Variants in GPC6 observed in about 807,000 individuals in gnomAD.
GPC6 encodes the protein glypican 6, also known as glypican-6.
In GPC6, 14 loss-of-function variants were observed where a neutral mutation model predicts 55.2. The observed-to-expected ratio is 0.25, with a 90% CI of 0.17 to 0.40. The LOEUF (loss-of-function observed/expected upper bound fraction) is 0.40, where lower values mean the gene tolerates loss of function less well. Ranked by LOEUF, GPC6 falls within the 10% of genes least tolerant of loss-of-function variation. The pLI is 1.00. For synonymous variants in GPC6, 278 were observed against 259.6 expected (o/e 1.07, Z -0.68); for missense variants, 641 against 708.5 (o/e 0.90, Z 1.08).
At chr13:94,329,698 T>C (rs947477126) in intron 6 of GPC6, among the ~76,000 whole-genome samples, 1 of 152,176 alleles carries the variant, frequency 6.6e-6, no homozygotes, top group Non-Finnish European at 1.5e-5. Context: ...GTTTAGGAGA[T>C]TCAGAAAATC....
At chr13:93,824,048 A>G (rs1887148348) in intron 2 of GPC6, among the ~76,000 whole-genome samples, 2 of 152,200 alleles carry the variant, frequency 1.3e-5, no homozygotes, top group African/African-American at 2.4e-5. Flanking sequence ...ATTTAAAAAA[A>G]TCTTTATATA....
chr13:94,030,561 G>A (rs909694052), intron 4 of GPC6, among the ~76,000 whole-genome samples: 19 of 152,168 alleles, frequency 1.2e-4, no homozygotes, highest in East Asian at 1.2e-3. Flanking sequence ...TCATAAATGC[G>A]GCAGCAAAGA....
At position 94,388,691 on chromosome 13, in the gene GPC6, A is replaced by G. The variant is rs574485997; in HGVS notation, c.1289+6141A>G. Among the ~76,000 whole-genome samples the G allele has an allele frequency of 3.3e-5, 5 of 152,342 alleles. No individual in the cohort carries two copies. In the South Asian group the frequency reaches 6.2e-4, roughly 19 times the overall value. ...AAGTCCAAGATCAGGGTGCCGGCAG[A>G]TTGGGTTCTCTTCCTGGCTTATAGA... On this transcript the variant is annotated intron_variant, in intron 7 of 8. Coordinates refer to ENST00000377047, the MANE Select transcript of GPC6 (RefSeq NM_005708.5).
intron 2 of GPC6, among the ~76,000 whole-genome samples, chr13:93,780,662 T>G (rs1339467580): frequency 6.6e-6 from 1 of 151,316 alleles, no homozygotes; most frequent in African/African-American, 2.4e-5. Context: ...ACTTCTATGC[T>G]TATCTAAGGT....
intron 1 of GPC6, among the ~76,000 whole-genome samples, chr13:93,275,420 A>G (rs1004342036): frequency 3.3e-5 from 5 of 152,240 alleles, no homozygotes; most frequent in African/African-American, 9.6e-5. Context: ...TTGACTAGAT[A>G]GTAAAGAGGG....
chr13:93,276,485 AGAGAGAGAGAGTGTGTGTGT>A lies in GPC6; in HGVS notation c.160+48871_160+48890del, dbSNP rs1410468144. On this transcript the variant is annotated intron_variant, in intron 1 of 8. Coordinates refer to ENST00000377047, the MANE Select transcript of GPC6 (RefSeq NM_005708.5). ...GAGAGAGAGAGAGAGAGAGAGAGAGAGAGAGAGAGAGTGTGTGTGTGTGTGTGTGTGTGTGTGTGTGTATG... is the reference window on the plus strand; with the variant it reads ...GAGAGAGAGAGAGAGAGAGAGAGAGAGTGTGTGTGTGTGTGTGTGTGTATG... Among the ~76,000 whole-genome samples, 37 of 135,102 alleles carry A rather than the reference AGAGAGAGAGAGTGTGTGTGT, an allele frequency of 2.7e-4. No homozygotes were observed. In the South Asian group the frequency reaches 4.1e-3, roughly 15 times the overall value. The allele number at this position is 135,102 out of a possible 152,430, so 88.6% of individuals were successfully genotyped here.
At chr13:94,148,837 G>C (rs1216416527) in intron 4 of GPC6, among the ~76,000 whole-genome samples, 1 of 152,054 alleles carries the variant, frequency 6.6e-6, no homozygotes, top group African/African-American at 2.4e-5. Context: ...CTTTGGGTAG[G>C]GATTTAACCT....
chr13:94,175,813 T>C (rs1027269665), intron 4 of GPC6, among the ~76,000 whole-genome samples: 12 of 148,604 alleles, frequency 8.1e-5, no homozygotes, highest in Admixed American at 1.4e-4. Context: ...GTTATATATA[T>C]CTTTTATATA....
At chr13:93,859,671 G>A (rs1888745705) in intron 3 of GPC6, among the ~76,000 whole-genome samples, 1 of 149,128 alleles carries the variant, frequency 6.7e-6, no homozygotes, top group Non-Finnish European at 1.5e-5. Flanking sequence ...GGGAGAGCGG[G>A]GAGCACAATT....
At chr13:93,528,397 A>G (rs899184396) in intron 1 of GPC6, among the ~76,000 whole-genome samples, 2 of 152,134 alleles carry the variant, frequency 1.3e-5, no homozygotes, top group African/African-American at 4.8e-5. Context: ...TGATTTATGC[A>G]TTAAGAGTCA....
At chr13:93,724,914 T>C (rs1231633452) in intron 2 of GPC6, among the ~76,000 whole-genome samples, 1 of 152,058 alleles carries the variant, frequency 6.6e-6, no homozygotes, top group Non-Finnish European at 1.5e-5. Context: ...AAATGTTTGC[T>C]CTTGTTGCAC....
rs548378399 is a variant in GPC6, at chr13:93,630,869, A to AC, written c.319+85455dup. Reference sequence around the variant, plus strand: ...ATATTCACATGTCAAAGTCCTAACAACCCCCCCATATCTCAGAGTGTGACT... The same window carrying AC: ...ATATTCACATGTCAAAGTCCTAACAACCCCCCCCATATCTCAGAGTGTGACT... On this transcript the variant is annotated intron_variant, in intron 2 of 8. Coordinates refer to ENST00000377047, the MANE Select transcript of GPC6 (RefSeq NM_005708.5). 1.2e-4 allele frequency among the ~76,000 whole-genome samples: 18 copies of AC among 151,944 alleles called. No homozygotes were observed. The East Asian group carries it at 2.5e-3, about 21-fold the overall frequency.
At chr13:94,288,373 G>A (rs1594134388) in intron 5 of GPC6, among the ~76,000 whole-genome samples, 1 of 151,762 alleles carries the variant, frequency 6.6e-6, no homozygotes, top group South Asian at 2.1e-4. Flanking sequence ...TCTTCATCCA[G>A]TAGCCAAAGT....
intron 2 of GPC6, among the ~76,000 whole-genome samples, chr13:93,621,070 G>A (rs544744866): frequency 2.6e-5 from 4 of 152,242 alleles, no homozygotes; most frequent in Non-Finnish European, 2.9e-5. Flanking sequence ...GTGACGAATT[G>A]CAATAAAGAT....
chr13:93,739,499 G>C (rs1049883815), intron 2 of GPC6, among the ~76,000 whole-genome samples: 5 of 147,210 alleles, frequency 3.4e-5, no homozygotes, highest in Admixed American at 1.4e-4. Context: ...GTGCGATTTC[G>C]GCTCACTGCA....
chr13:93,811,747 A>G (rs1886700239), intron 2 of GPC6, among the ~76,000 whole-genome samples: 1 of 152,220 alleles, frequency 6.6e-6, no homozygotes, highest in Non-Finnish European at 1.5e-5. Context: ...ATTATGATCT[A>G]AATTAATTGG....
intron 2 of GPC6, among the ~76,000 whole-genome samples, chr13:93,737,859 C>A (rs1161922519): frequency 6.6e-6 from 1 of 151,972 alleles, no homozygotes; most frequent in Non-Finnish European, 1.5e-5. Context: ...AAAGCTTTTT[C>A]TAAGATCAGC....
chr13:93,694,650 G>T (rs1882383252), intron 2 of GPC6, among the ~76,000 whole-genome samples: 1 of 152,148 alleles, frequency 6.6e-6, no homozygotes, highest in Admixed American at 6.5e-5. Flanking sequence ...TGTGCCAGAT[G>T]CAGGCTTCGG....
intron 6 of GPC6, among the ~76,000 whole-genome samples, chr13:94,344,698 T>A (rs574848799): frequency 2.0e-5 from 3 of 152,362 alleles, no homozygotes; most frequent in Non-Finnish European, 2.9e-5. Flanking sequence ...CATTTATTGT[T>A]TGCACACTAT....
Sources: allele counts gnomAD v4.1 joint callset (sites outside exome capture counted in the v4.1 genomes callset), GRCh38; gene constraint gnomAD v4.1.1; transcripts MANE v1.5; gene names NCBI Gene and HGNC (gene_info 2026-07-23, HGNC 2026-07-21).